CCDC7: variants seen among roughly 807,000 people sequenced by gnomAD.
CCDC7 encodes coiled-coil domain-containing protein 7.
A neutral mutation model predicts 196.9 loss-of-function variants in CCDC7; 183 were observed. The ratio of observed to expected loss-of-function variants is 0.93; its 90% confidence interval spans 0.82 to 1.05. The LOEUF (loss-of-function observed/expected upper bound fraction) is 1.05, where lower values mean the gene tolerates loss of function less well. Ranked by LOEUF, CCDC7 falls within the 50% of genes least tolerant of loss-of-function variation. The pLI, the probability that CCDC7 is intolerant of heterozygous loss-of-function variation, is 0.00. For missense variants in CCDC7, 1,540 were observed against 1,482.2 expected, an observed-to-expected ratio of 1.04 and a Z score of -0.64; for synonymous variants, 525 against 484.6, an observed-to-expected ratio of 1.08 and a Z score of -1.10.
intron 25 of CCDC7, among the ~76,000 whole-genome samples, chr10:32,721,974 A>C (rs1565287048): frequency 6.6e-6 from 1 of 152,188 alleles, no homozygotes. Flanking sequence ...CACTAATGGA[A>C]TGAACTACCA....
In CCDC7 at chr10:32,565,633, A is replaced by G; in HGVS notation, c.1197+13A>G. The G allele has an allele frequency of 6.2e-7, 1 of 1,603,192 alleles. No individual in the cohort carries two copies. The highest frequency in any genetic ancestry group is 8.5e-7 in the Non-Finnish European group (1 of 1,174,884). On this transcript the variant is annotated intron_variant, in intron 14 of 41. Coordinates refer to ENST00000639629, the Ensembl canonical transcript of CCDC7. ...ACAGGCTTTACAGGTAAAGGATGTC[A>G]TGTTTCTTTAACATTGTTAACAAGT...
In CCDC7 at chr10:32,669,284, G is replaced by A. The variant is rs566312729; in HGVS notation, c.2122+5123G>A. Among the ~76,000 whole-genome samples the A allele has an allele frequency of 2.0e-5, 3 of 152,138 alleles. No individual in the cohort carries two copies. In the East Asian group the frequency reaches 5.8e-4, roughly 29 times the overall value. On this transcript the variant is annotated intron_variant, in intron 21 of 41. Transcript: ENST00000639629. ...TGAATTCTTCTTTGAATGTGCTGTC[G>A]AATTTAGTTTGTTAGTATTTTGTTG...
In CCDC7 at chr10:32,614,354, G is replaced by A. The variant is rs140239299; in HGVS notation, c.1802-19900G>A. ...CATGTAGACACACATAGGCTAATACGTCTCCTGAATACAGCACAGCAATGG... is the reference window on the plus strand; with the variant it reads ...CATGTAGACACACATAGGCTAATACATCTCCTGAATACAGCACAGCAATGG... On this transcript the variant is annotated intron_variant, in intron 18 of 41. Coordinates refer to ENST00000639629, the Ensembl canonical transcript of CCDC7. Among the ~76,000 whole-genome samples the A allele has an allele frequency of 8.9e-3, 1,333 of 150,434 alleles. 11 individuals carry two copies. Among genetic ancestry groups the A allele is most frequent in the Middle Eastern group, 0.027 (8 of 292 alleles).
At chr10:32,453,671 ACCAAC>A (rs1201983676) in intron 2 of CCDC7, among the ~76,000 whole-genome samples, 4 of 152,182 alleles carry the variant, frequency 2.6e-5, no homozygotes, top group African/African-American at 4.8e-5. Context: ...ATTAGGAATG[ACCAAC>A]ATTTTAAAGA....
chr10:32,484,517 G>T (rs2040612691), intron 8 of CCDC7, among the ~76,000 whole-genome samples: 1 of 152,138 alleles, frequency 6.6e-6, no homozygotes, highest in African/African-American at 2.4e-5. Flanking sequence ...GCCGTGGCCA[G>T]AACTTCCAAT....
chr10:32,681,899 A>G (rs1470468093), intron 21 of CCDC7, among the ~76,000 whole-genome samples: 1 of 151,694 alleles, frequency 6.6e-6, no homozygotes, highest in Non-Finnish European at 1.5e-5. Context: ...ATTCCAGTTC[A>G]TTTTCTCAGA....
rs112990239 is a variant in CCDC7, at chr10:32,601,099, A to G, written c.1801+16795A>G. On this transcript the variant is annotated intron_variant, in intron 18 of 41. Coordinates refer to ENST00000639629, the Ensembl canonical transcript of CCDC7. Reference sequence around the variant, plus strand: ...GTTTATCTTATTGAGGCTCGCTTGTATGTGATGAGTCAAGACTTTCTGGAA... The same window carrying G: ...GTTTATCTTATTGAGGCTCGCTTGTGTGTGATGAGTCAAGACTTTCTGGAA... Among the ~76,000 whole-genome samples, 90 of 152,102 alleles carry G rather than the reference A, an allele frequency of 5.9e-4. 1 individual carries two copies. The highest frequency in any genetic ancestry group is 2.1e-3 in the African/African-American group (86 of 41,502).
At chr10:32,478,866 C>T (rs778780831) in intron 8 of CCDC7, among the ~76,000 whole-genome samples, 7 of 152,068 alleles carry the variant, frequency 4.6e-5, no homozygotes, top group Non-Finnish European at 1.0e-4. Flanking sequence ...TGGAAGAGAT[C>T]ATAAAGAATT....
chr10:32,741,566 G>T (rs895868056), intron 28 of CCDC7, among the ~76,000 whole-genome samples: 1 of 152,166 alleles, frequency 6.6e-6, no homozygotes, highest in Admixed American at 6.5e-5. Flanking sequence ...CACAAATACT[G>T]TATTTGTAAT....
exon 23 of CCDC7, chr10:32,689,150 G>A: frequency 6.4e-7 from 1 of 1,567,312 alleles, no homozygotes; most frequent in Non-Finnish European, 8.8e-7. Flanking sequence ...CTCTCAAAGG[G>A]CAAAGAATTA....
chr10:32,572,720 A>G (rs1306361627), intron 16 of CCDC7, among the ~76,000 whole-genome samples: 1 of 152,100 alleles, frequency 6.6e-6, no homozygotes, highest in Admixed American at 6.5e-5. Context: ...GTTTCTTATT[A>G]TTGATTTCTT....
At chr10:32,659,720 T>C (rs1161699672) in intron 20 of CCDC7, among the ~76,000 whole-genome samples, 2 of 152,056 alleles carry the variant, frequency 1.3e-5, no homozygotes, top group African/African-American at 4.8e-5. Context: ...GACAATCATA[T>C]AAAAAAAGCT....
chr10:32,685,736 GACTA>G (rs1250910014), intron 21 of CCDC7, among the ~76,000 whole-genome samples: 16 of 152,160 alleles, frequency 1.1e-4, no homozygotes, highest in African/African-American at 2.6e-4. Context: ...GAAAAATATA[GACTA>G]ACTATATATG....
chr10:32,662,147 G>A (rs2071605640), intron 20 of CCDC7, among the ~76,000 whole-genome samples: 1 of 152,126 alleles, frequency 6.6e-6, no homozygotes, highest in Non-Finnish European at 1.5e-5. Context: ...TGAGTTCAAT[G>A]CAAAGTCTCA....
intron 28 of CCDC7, among the ~76,000 whole-genome samples, chr10:32,744,355 A>G (rs1047744982): frequency 6.6e-6 from 1 of 151,818 alleles, no homozygotes; most frequent in Admixed American, 6.6e-5. Context: ...GCAAATGAAT[A>G]AACATTTTCC....
At position 32,755,194 on chromosome 10, in the gene CCDC7, G is replaced by A. The variant is rs200575668; in HGVS notation, c.2906-23783G>A. On this transcript the variant is annotated intron_variant, in intron 28 of 41. Coordinates refer to ENST00000639629, the Ensembl canonical transcript of CCDC7. The stretch of plus-strand genomic sequence containing the variant: ...CTGTAGACTCCACCTCTGGGGGCAG[G>A]GTAGAGCTGAACAAAAGGCAGCAGA... 1.2e-4 allele frequency among the ~76,000 whole-genome samples: 19 copies of A among 152,274 alleles called. No homozygotes were observed. In the East Asian group the frequency reaches 3.7e-3, roughly 29 times the overall value.
chr10:32,738,467 C>A (rs59879687), intron 28 of CCDC7, among the ~76,000 whole-genome samples: 6,478 of 124,674 alleles, frequency 0.052, 488 homozygotes, highest in African/African-American at 0.18. Flanking sequence ...AAAATGGTTT[C>A]TTTCACTTTT....
At chr10:32,446,023 C>G (rs1315919010), upstream of CCDC7, 1 of 152,210 alleles carries the variant, frequency 6.6e-6, no homozygotes, top group Non-Finnish European at 1.5e-5. Flanking sequence ...CGGCAAATCC[C>G]CACAGCCGCC....
downstream of CCDC7, among the ~76,000 whole-genome samples, chr10:32,879,429 C>A (rs193156074): frequency 3.9e-5 from 6 of 151,956 alleles, no homozygotes; most frequent in Non-Finnish European, 5.9e-5. Flanking sequence ...TTGCTCGGGG[C>A]GATGTGCATG....
Sources: allele counts gnomAD v4.1 joint callset (sites outside exome capture counted in the v4.1 genomes callset), GRCh38; gene constraint gnomAD v4.1.1; transcripts MANE v1.5; gene names NCBI Gene and HGNC (gene_info 2026-07-23, HGNC 2026-07-21).